The following MTHFD1L variants were observed in gnomAD, a reference collection of about 807,000 sequenced individuals.
MTHFD1L encodes the protein monofunctional C1-tetrahydrofolate synthase, mitochondrial.
In MTHFD1L, 81 loss-of-function variants were observed where a neutral mutation model predicts 119.5. That is an observed-to-expected ratio of 0.68 (90% CI 0.57 to 0.82). MTHFD1L has a LOEUF of 0.82. Among genes scored for constraint, MTHFD1L ranks in the 40% least tolerant of loss-of-function variants. MTHFD1L has a pLI of 0.00. For synonymous variants in MTHFD1L, 430 were observed against 475.2 expected, an observed-to-expected ratio of 0.90 and a Z score of 1.24; for missense variants, 1,125 against 1,253.4, an observed-to-expected ratio of 0.90 and a Z score of 1.55.
At chr6:151,000,165 C>T (rs975328736) in intron 20 of MTHFD1L, among the ~76,000 whole-genome samples, 7 of 152,006 alleles carry the variant, frequency 4.6e-5, no homozygotes, top group Non-Finnish European at 1.0e-4. Context: ...GGTGAAACCC[C>T]GTCTCTACTA....
intron 6 of MTHFD1L, among the ~76,000 whole-genome samples, chr6:150,886,791 C>G (rs1483069667): frequency 6.6e-6 from 1 of 151,766 alleles, no homozygotes; most frequent in African/African-American, 2.4e-5. Context: ...GAGTTTGAGA[C>G]CAGCTTGGGG....
chr6:150,918,064 C>CTTTTTTTT (rs397887884), intron 8 of MTHFD1L, among the ~76,000 whole-genome samples: 1 of 121,986 alleles, frequency 8.2e-6, no homozygotes, highest in African/African-American at 3.2e-5. Flanking sequence ...CTTAGATGGC[C>CTTTTTTTT]TTTTTTTTTT....
At chr6:151,040,105 G>A (rs1786863987) in intron 26 of MTHFD1L, among the ~76,000 whole-genome samples, 1 of 152,150 alleles carries the variant, frequency 6.6e-6, no homozygotes. Context: ...GGTGACGGAG[G>A]TGCCCAAACA....
chr6:150,960,597 A>G (rs866105496), intron 18 of MTHFD1L, among the ~76,000 whole-genome samples, 182 bp downstream of exon 18: 1 of 152,228 alleles, frequency 6.6e-6, no homozygotes. Flanking sequence ...TCTCATAGTC[A>G]TATATGACGT....
At chr6:150,875,221 A>G (rs1386474877) in intron 1 of MTHFD1L, among the ~76,000 whole-genome samples, 1 of 151,754 alleles carries the variant, frequency 6.6e-6, no homozygotes, top group African/African-American at 2.4e-5. Flanking sequence ...ACGCCCAGCT[A>G]AATTGTTTAT....
In MTHFD1L at chr6:150,865,730, G is replaced by C. The variant is rs191863790; in HGVS notation, c.-93G>C. On this transcript the variant is annotated 5_prime_UTR_variant, in exon 1 of 28. Coordinates refer to ENST00000367321, the MANE Select transcript of MTHFD1L (RefSeq NM_015440.5). ...GAAGCGCCAGGTCCTTCCCGCCGCCGCCGCCGCCGCCGCCGCCTGCTCCCC... is the reference window on the plus strand; with the variant it reads ...GAAGCGCCAGGTCCTTCCCGCCGCCCCCGCCGCCGCCGCCGCCTGCTCCCC... The C allele has an allele frequency of 1.9e-3, 2,088 of 1,093,852 alleles. 32 individuals carry two copies. In the African/African-American group the frequency reaches 0.031, roughly 16 times the overall value. The allele number at this position is 1,093,852 out of a possible 1,614,324, so 67.8% of individuals were successfully genotyped here.
chr6:150,957,453 T>C (rs1353185229), intron 17 of MTHFD1L, among the ~76,000 whole-genome samples: 2 of 152,194 alleles, frequency 1.3e-5, no homozygotes, highest in African/African-American at 4.8e-5. Flanking sequence ...ATGAGTTTGT[T>C]ATTACTAAAA....
intron 20 of MTHFD1L, among the ~76,000 whole-genome samples, chr6:151,006,855 G>C (rs1781475494): frequency 6.6e-6 from 1 of 151,990 alleles, no homozygotes; most frequent in Non-Finnish European, 1.5e-5. Context: ...GAGATCACTT[G>C]ATCAGCCCCC....
chr6:151,013,318 C>T (rs577644344), intron 21 of MTHFD1L, among the ~76,000 whole-genome samples: 4 of 152,098 alleles, frequency 2.6e-5, no homozygotes, highest in South Asian at 2.1e-4. Flanking sequence ...AGTTTGAGAC[C>T]GCAGTGAGCT....
chr6:151,026,619 C>T (rs1562559594), intron 24 of MTHFD1L, among the ~76,000 whole-genome samples: 1 of 151,990 alleles, frequency 6.6e-6, no homozygotes, highest in Non-Finnish European at 1.5e-5. Flanking sequence ...GAAGATTTAA[C>T]ATAATGTTAG....
At chr6:151,083,027 A>G (rs995801132) in intron 26 of MTHFD1L, among the ~76,000 whole-genome samples, 2 of 152,076 alleles carry the variant, frequency 1.3e-5, no homozygotes, top group African/African-American at 2.4e-5. Flanking sequence ...GGAAACTCAC[A>G]TGACTGCCTG....
At chr6:150,906,783 AG>A (rs1650820521) in intron 8 of MTHFD1L, among the ~76,000 whole-genome samples, 1 of 152,182 alleles carries the variant, frequency 6.6e-6, no homozygotes, top group Admixed American at 6.6e-5. Flanking sequence ...CATGAGCCCT[AG>A]CCAGAGGTTG....
chr6:150,971,962 G>T lies in MTHFD1L; in HGVS notation c.2029G>T (p.Val677Leu), dbSNP rs754369611. Residue 677 changes from valine (V) to leucine (L), a missense_variant, in exon 20 of 28, where the codon GTG (valine) becomes TTG (leucine). By Grantham distance (32) the Val-to-Leu change is conservative. Transcript: ENST00000367321. ...MQTLEGTPVF[V>L]HAGPFANIAH... is the part of the protein sequence containing the mutation. ...ACTTCTCTAGGGGACACCTGTGTTC[G>T]TGCATGCGGGCCCTTTTGCTAACAT... The T allele has an allele frequency of 6.2e-7, 1 of 1,613,990 alleles. No homozygotes were observed. Among genetic ancestry groups the T allele is most frequent in the African/African-American group, 1.3e-5 (1 of 75,006 alleles).
chr6:150,882,765 A>G lies in MTHFD1L; in HGVS notation c.421A>G (p.Ile141Val), dbSNP rs190762212. 1.1e-4 allele frequency: 162 copies of G among 1,496,428 alleles called. 1 individual carries two copies. The East Asian group carries it at 3.8e-3, about 35-fold the overall frequency. The allele number at this position is 1,496,428 out of a possible 1,614,324, so 92.7% of individuals were successfully genotyped here. The change falls in exon 5 of 28, where the codon ATA (isoleucine) becomes GTA (valine). Residue 141 changes from isoleucine to valine, a missense_variant. Around this residue, in one of 3 missense-constraint regions of MTHFD1L, gnomAD observed 1,058 missense variants for 1,151.2 expected, o/e 0.92. Coordinates refer to ENST00000367321, the MANE Select transcript of MTHFD1L (RefSeq NM_015440.5). ...LPPDSSEAEI[I>V]DEILKINEDT... is the part of the protein sequence containing the mutation. ...TGTTTTTTTGTTTTCTCTTTAGATT[A>G]TAGATGAAATCTTAAAGATCAATGA...
In MTHFD1L at chr6:151,045,400, T is replaced by TC. The variant is rs1562589274; in HGVS notation, c.2847+8283_2847+8284insC. On this transcript the variant is annotated intron_variant, in intron 26 of 27. Transcript: ENST00000367321. ...TGCCTGCAAAATCACACATCCCTTTTTCCCCCTCTCTCCACTTTCCCTACT... is the reference window on the plus strand; with the variant it reads ...TGCCTGCAAAATCACACATCCCTTTTCTCCCCCTCTCTCCACTTTCCCTACT... Among the ~76,000 whole-genome samples, 203 of 151,952 alleles carry TC rather than the reference T, an allele frequency of 1.3e-3. 1 individual carries two copies. Among genetic ancestry groups the TC allele is most frequent in the African/African-American group, 4.7e-3 (193 of 41,444 alleles).
At chr6:150,961,749 G>A (rs1004712505) in intron 18 of MTHFD1L, among the ~76,000 whole-genome samples, 3 of 44,342 alleles carry the variant, frequency 6.8e-5, no homozygotes, top group Non-Finnish European at 2.2e-4. Context: ...AACGTATGTC[G>A]CAGCCTATGG....
At chr6:151,061,682 G>A (rs909918752) in intron 26 of MTHFD1L, among the ~76,000 whole-genome samples, 30 of 152,198 alleles carry the variant, frequency 2.0e-4, no homozygotes, top group African/African-American at 7.0e-4. Flanking sequence ...GGAGACATCT[G>A]TGCTATCAAT....
Position 151,090,187 on chromosome 6 carries a change from C to T in MTHFD1L, c.2848-2280C>T, listed in dbSNP as rs184693464. Among the ~76,000 whole-genome samples the T allele has an allele frequency of 1.6e-4, 24 of 152,332 alleles. 1 individual carries two copies. In the East Asian group the frequency reaches 4.6e-3, roughly 29 times the overall value. ...GGCAGGGAAGGGGGTGTTAATGAGG[C>T]CTGCAGGTGCACAGATTTACTCCCC... On this transcript the variant is annotated intron_variant, in intron 26 of 27. Transcript: ENST00000367321.
At chr6:151,019,013 G>A (rs1031619532) in intron 24 of MTHFD1L, among the ~76,000 whole-genome samples, 16 of 152,214 alleles carry the variant, frequency 1.1e-4, no homozygotes, top group African/African-American at 3.1e-4. Context: ...GGTGTTCAGC[G>A]CAAAATAGAT....
Sources: allele counts gnomAD v4.1 joint callset (sites outside exome capture counted in the v4.1 genomes callset), GRCh38; gene constraint gnomAD v4.1.1; regional missense constraint gnomAD v4.1.1; transcripts MANE v1.5; gene names NCBI Gene and HGNC (gene_info 2026-07-23, HGNC 2026-07-21).